TSNARE1: variants seen among roughly 807,000 people sequenced by gnomAD.
TSNARE1 encodes t-SNARE domain-containing protein 1.
A neutral mutation model predicts 62.0 loss-of-function variants in TSNARE1; 49 were observed. The observed-to-expected ratio is 0.79, with a 90% CI of 0.63 to 1.00. The LOEUF (loss-of-function observed/expected upper bound fraction) is 1.00. Among genes scored for constraint, TSNARE1 ranks in the 50% least tolerant of loss-of-function variants. The probability of loss-of-function intolerance (pLI) is 0.00; values close to 1 mark genes in which losing one functional copy is unlikely to be tolerated. For missense variants in TSNARE1, 755 were observed against 700.1 expected (o/e 1.08, Z -0.88); for synonymous variants, 328 against 294.4 (o/e 1.11, Z -1.17).
chr8:142,273,681 C>T (rs73366657), intron 12 of TSNARE1: 25,637 of 985,362 alleles, frequency 0.026, 461 homozygotes, highest in African/African-American at 0.065. Flanking sequence ...TCAGCCTCCC[C>T]GTTACCACAC....
At position 142,277,315 on chromosome 8, in the gene TSNARE1, C is replaced by T. The variant is rs961842960; in HGVS notation, c.1364-2452G>A. The T allele has an allele frequency of 3.0e-5, 30 of 985,292 alleles. 1 individual carries two copies. In the South Asian group the frequency reaches 1.2e-3, roughly 40 times the overall value. 61.0% of individuals were successfully genotyped at this position (985,292 alleles called of 1,614,324 possible). ...AGCCTTTGGGACCGCCCTCCCCAGA[C>T]ACTCGCAGAGCAGCACACACACCTC... is the stretch of plus-strand genomic sequence containing the variant. On this transcript the variant is annotated intron_variant, in intron 11 of 13. Transcript: ENST00000524325.
At chr8:142,356,165 G>A (rs1009382220) in intron 1 of TSNARE1, among the ~76,000 whole-genome samples, 9 of 152,116 alleles carry the variant, frequency 5.9e-5, no homozygotes, top group African/African-American at 1.2e-4. Context: ...GGCACCCTCC[G>A]GGCAGGCCCA....
intron 12 of TSNARE1, among the ~76,000 whole-genome samples, chr8:142,256,235 CCACCATCACCATCACCAT>C (rs1322231524): frequency 2.4e-5 from 3 of 124,314 alleles, no homozygotes; most frequent in South Asian, 2.8e-4. Flanking sequence ...ATCACCACCA[CCACCATCACCATCACCAT>C]CATCACCATC....
At chr8:142,233,183 G>T (rs745338534) in intron 12 of TSNARE1, among the ~76,000 whole-genome samples, 9 of 152,192 alleles carry the variant, frequency 5.9e-5, no homozygotes, top group African/African-American at 2.2e-4. Flanking sequence ...CTTCCTTAAC[G>T]AGGCGAGATG....
intron 12 of TSNARE1, among the ~76,000 whole-genome samples, chr8:142,236,609 TAA>T (rs962963957): frequency 2.0e-5 from 3 of 151,270 alleles, no homozygotes; most frequent in African/African-American, 7.3e-5. Context: ...ATTAATTAAT[TAA>T]AAAAATTCAG....
At chr8:142,285,255 C>A (rs13269599) in intron 10 of TSNARE1, among the ~76,000 whole-genome samples, 1 of 120,314 alleles carries the variant, frequency 8.3e-6, no homozygotes, top group Non-Finnish European at 1.8e-5. Flanking sequence ...TGGATGGATG[C>A]GTAGGTGGAT....
At chr8:142,346,568 G>A (rs917016202) in intron 2 of TSNARE1, among the ~76,000 whole-genome samples, 8 of 152,228 alleles carry the variant, frequency 5.3e-5, no homozygotes, top group Non-Finnish European at 1.2e-4. Context: ...TTCGATCCAC[G>A]GCACCCCAGA....
chr8:142,293,280 C>T (rs1387777002), intron 10 of TSNARE1, among the ~76,000 whole-genome samples: 3 of 152,362 alleles, frequency 2.0e-5, no homozygotes, highest in Middle Eastern at 3.4e-3. Context: ...CAGAGCTTGG[C>T]CGCATTCCCG....
In TSNARE1 at chr8:142,301,375, G is replaced by T. The variant is rs1825739254; in HGVS notation, c.1132-731C>A. Among the ~76,000 whole-genome samples the T allele has an allele frequency of 4.2e-5, 5 of 119,274 alleles. No homozygotes were observed. In the Admixed American group the frequency reaches 4.2e-4, roughly 10 times the overall value. The allele number at this position is 119,274 out of a possible 152,430, so 78.2% of individuals were successfully genotyped here. A position where few individuals can be genotyped will look rare whatever the true frequency, so the allele number is the denominator to read the frequency against. ...CCCACCTGCCCTGCCCATGCCAGCA[G>T]GCCTTCCTTCCCCTCCCGTCAGGAG... On this transcript the variant is annotated intron_variant, in intron 9 of 13. Coordinates refer to ENST00000524325, the MANE Select transcript of TSNARE1 (RefSeq NM_145003.5).
intron 12 of TSNARE1, chr8:142,269,651 C>G: frequency 1.0e-6 from 1 of 985,260 alleles, no homozygotes; most frequent in Non-Finnish European, 1.2e-6. Context: ...TTTTAATGGA[C>G]AAGAACCCAG....
chr8:142,256,338 C>G (rs1586872241), intron 12 of TSNARE1, among the ~76,000 whole-genome samples: 1 of 141,312 alleles, frequency 7.1e-6, no homozygotes, highest in East Asian at 2.3e-4. Context: ...TCTTTGCCAC[C>G]ATCATCATCA....
At chr8:142,356,786 G>A (rs1392528916) in intron 1 of TSNARE1, among the ~76,000 whole-genome samples, 3 of 152,154 alleles carry the variant, frequency 2.0e-5, no homozygotes, top group East Asian at 1.9e-4. Flanking sequence ...GGAGAGGTGA[G>A]GTAACTTGCC....
chr8:142,399,561 T>A (rs1287731741), intron 1 of TSNARE1, among the ~76,000 whole-genome samples: 2 of 152,062 alleles, frequency 1.3e-5, no homozygotes, highest in Non-Finnish European at 2.9e-5. Context: ...AACATAAGCA[T>A]CCACACTGAA....
chr8:142,287,275 G>T, intron 10 of TSNARE1, among the ~76,000 whole-genome samples: 1 of 131,688 alleles, frequency 7.6e-6, no homozygotes, highest in Admixed American at 7.6e-5. Flanking sequence ...ACAGTGGGCC[G>T]CCCTCCAGGA....
intron 13 of TSNARE1, among the ~76,000 whole-genome samples, chr8:142,218,254 G>A (rs1046977260): frequency 1.6e-5 from 1 of 61,240 alleles, no homozygotes; most frequent in African/African-American, 8.2e-5. Context: ...GTGTGACCGG[G>A]ATCAGGCTCA....
At chr8:142,322,897 T>G (rs1462240613) in intron 6 of TSNARE1, among the ~76,000 whole-genome samples, 1 of 150,278 alleles carries the variant, frequency 6.7e-6, no homozygotes, top group East Asian at 2.0e-4. Context: ...AAGGCCAGCC[T>G]GGACGTGTCC....
intron 13 of TSNARE1, among the ~76,000 whole-genome samples, chr8:142,224,329 T>G (rs540894320): frequency 7.2e-5 from 11 of 152,296 alleles, no homozygotes; most frequent in Admixed American, 7.2e-4. Flanking sequence ...CAAGCCTGAC[T>G]ATGGACCCTG....
chr8:142,333,581 C>A (rs1250663204), intron 4 of TSNARE1, among the ~76,000 whole-genome samples: 1 of 152,182 alleles, frequency 6.6e-6, no homozygotes, highest in Non-Finnish European at 1.5e-5. Flanking sequence ...GGCTGGATAT[C>A]TGGGTTTCCA....
chr8:142,311,038 C>A (rs1243136821), intron 9 of TSNARE1, among the ~76,000 whole-genome samples: 1 of 151,836 alleles, frequency 6.6e-6, no homozygotes, highest in Non-Finnish European at 1.5e-5. Context: ...TTAGTAGAGA[C>A]GGGGTTTCAC....
Sources: gnomAD v4.1 joint callset for allele counts (sites outside exome capture counted in the v4.1 genomes callset) on GRCh38, gnomAD v4.1.1 for gene constraint, MANE v1.5 for transcripts, NCBI Gene and HGNC (gene_info 2026-07-23, HGNC 2026-07-21) for gene names.